Variants in LRRC7 observed in about 807,000 individuals in gnomAD.
LRRC7 encodes the protein leucine-rich repeat-containing protein 7.
In LRRC7, 23 loss-of-function variants were observed where a neutral mutation model predicts 175.7. The ratio of observed to expected loss-of-function variants is 0.13; its 90% CI spans 0.09 to 0.19. The LOEUF (loss-of-function observed/expected upper bound fraction) is 0.19, where lower values mean the gene tolerates loss of function less well. Ranked by LOEUF, LRRC7 falls within the 10% of genes least tolerant of loss-of-function variation. The probability of loss-of-function intolerance (pLI) is 1.00; values close to 1 mark genes in which losing one functional copy is unlikely to be tolerated. For missense variants in LRRC7, 1,354 were observed against 1,904.7 expected, an observed-to-expected ratio of 0.71 and a Z score of 5.38; for synonymous variants, 685 against 680.9, an observed-to-expected ratio of 1.01 and a Z score of -0.09.
At chr1:69,958,844 A>G (rs923588173) in intron 8 of LRRC7, among the ~76,000 whole-genome samples, 26 of 152,234 alleles carry the variant, frequency 1.7e-4, no homozygotes, top group East Asian at 1.4e-3. Flanking sequence ...AAGTGAACAT[A>G]GCAAAATACA....
intron 3 of LRRC7, among the ~76,000 whole-genome samples, chr1:69,784,913 C>T (rs1674228522): frequency 6.6e-6 from 1 of 151,866 alleles, no homozygotes; most frequent in South Asian, 2.1e-4. Flanking sequence ...CATTATTGAC[C>T]AAGAAACTGG....
At chr1:69,999,771 A>G (rs1048416000) in intron 11 of LRRC7, among the ~76,000 whole-genome samples, 3 of 152,212 alleles carry the variant, frequency 2.0e-5, no homozygotes, top group African/African-American at 7.2e-5. Flanking sequence ...AAAAAGCAGA[A>G]GAAATTTGGG....
chr1:69,957,344 C>G (rs376088528), intron 8 of LRRC7, among the ~76,000 whole-genome samples: 10 of 151,876 alleles, frequency 6.6e-5, no homozygotes, highest in South Asian at 6.2e-4. Context: ...AATATAGATT[C>G]TTACTTCCAT....
chr1:69,859,112 G>A (rs529601265), intron 7 of LRRC7, among the ~76,000 whole-genome samples: 3 of 152,052 alleles, frequency 2.0e-5, no homozygotes, highest in Admixed American at 6.6e-5. Flanking sequence ...TTCCCCTACC[G>A]CCTCTGCCCA....
intron 1 of LRRC7, among the ~76,000 whole-genome samples, chr1:69,642,608 A>G (rs1038101691): frequency 1.3e-5 from 2 of 151,998 alleles, no homozygotes; most frequent in Admixed American, 1.3e-4. Flanking sequence ...AATAATGTCA[A>G]AGTTTTCTCA....
At chr1:70,027,051 T>A (rs564114411) in intron 17 of LRRC7, among the ~76,000 whole-genome samples, 174 of 152,100 alleles carry the variant, frequency 1.1e-3, no homozygotes, top group Non-Finnish European at 1.7e-3. Context: ...CTCTCCCTTT[T>A]CCGATCTTCC....
intron 1 of LRRC7, among the ~76,000 whole-genome samples, chr1:69,651,767 G>C (rs1655865325): frequency 6.6e-6 from 1 of 152,080 alleles, no homozygotes; most frequent in African/African-American, 2.4e-5. Context: ...CTGCTTCTCG[G>C]TCAAGGGAAA....
At chr1:69,813,386 G>A (rs1678193020) in intron 4 of LRRC7, among the ~76,000 whole-genome samples, 1 of 152,062 alleles carries the variant, frequency 6.6e-6, no homozygotes, top group Non-Finnish European at 1.5e-5. Flanking sequence ...GTGCAGTCTT[G>A]AGGCTTACCA....
At chr1:69,763,643 A>G (rs1483112792) in intron 3 of LRRC7, among the ~76,000 whole-genome samples, 1 of 152,092 alleles carries the variant, frequency 6.6e-6, no homozygotes, top group Admixed American at 6.6e-5. Flanking sequence ...AATGTGCACT[A>G]TAAAGAAACT....
chr1:69,806,619 C>T (rs1309600547), intron 4 of LRRC7, among the ~76,000 whole-genome samples: 1 of 151,950 alleles, frequency 6.6e-6, no homozygotes, highest in African/African-American at 2.4e-5. Context: ...AGTATTGCCC[C>T]ATTTTTAATT....
chr1:69,717,769 A>AGG (rs1557640367), intron 2 of LRRC7, among the ~76,000 whole-genome samples: 1 of 64,146 alleles, frequency 1.6e-5, no homozygotes, highest in East Asian at 3.9e-4. Context: ...AAAAAAAGAA[A>AGG]AAAAGAAAGA....
intron 7 of LRRC7, among the ~76,000 whole-genome samples, chr1:69,902,523 A>G (rs1417603034): frequency 6.6e-6 from 1 of 152,166 alleles, no homozygotes; most frequent in Non-Finnish European, 1.5e-5. Flanking sequence ...GTGAGCTGAG[A>G]TTGCCATTGC....
Position 69,847,746 on chromosome 1 carries a change from C to T in LRRC7, c.647+9463C>T, listed in dbSNP as rs150540802. Among the ~76,000 whole-genome samples the T allele has an allele frequency of 2.5e-3, 376 of 152,166 alleles. 3 individuals are homozygous for T. The highest frequency in any genetic ancestry group is 8.8e-3 in the African/African-American group (364 of 41,554). ...TTGCCCTACTTGAGTTTCTTAATAA[C>T]GCTTGCCTGTGCCTTCAACAATTCC... On this transcript the variant is annotated intron_variant, in intron 7 of 26. Transcript: ENST00000651989.
chr1:70,065,205 C>T (rs147972910), intron 23 of LRRC7, among the ~76,000 whole-genome samples: 161 of 151,954 alleles, frequency 1.1e-3, no homozygotes, highest in African/African-American at 3.8e-3. Context: ...AACTGTAATA[C>T]GAAAAAAACT....
intron 7 of LRRC7, among the ~76,000 whole-genome samples, chr1:69,895,144 A>G (rs538823309): frequency 6.6e-6 from 1 of 152,328 alleles, no homozygotes; most frequent in African/African-American, 2.4e-5. Flanking sequence ...AGGCAGGTGA[A>G]TCGCTTGAAC....
chr1:69,749,109 C>T (rs1368442323), intron 2 of LRRC7, among the ~76,000 whole-genome samples: 2 of 152,074 alleles, frequency 1.3e-5, no homozygotes, highest in African/African-American at 4.8e-5. Context: ...TTTCTACTGT[C>T]CTTACATGTA....
chr1:69,898,435 A>G (rs1250008152), intron 7 of LRRC7, among the ~76,000 whole-genome samples: 1 of 152,254 alleles, frequency 6.6e-6, no homozygotes, highest in Admixed American at 6.5e-5. Flanking sequence ...CTGTGATTTT[A>G]GCTGAAAAGG....
intron 7 of LRRC7, chr1:69,919,673 C>G: frequency 1.1e-6 from 1 of 952,192 alleles, no homozygotes; most frequent in Non-Finnish European, 1.7e-6. Context: ...TCCGGCCTCA[C>G]AATTCAGCGA....
chr1:70,052,260 T>A (rs1558028517), intron 22 of LRRC7, among the ~76,000 whole-genome samples: 1 of 152,092 alleles, frequency 6.6e-6, no homozygotes, highest in Non-Finnish European at 1.5e-5. Context: ...TTACTAAGGT[T>A]AGAATATGAA....
Sources: allele counts gnomAD v4.1 joint callset (sites outside exome capture counted in the v4.1 genomes callset), GRCh38; gene constraint gnomAD v4.1.1; transcripts MANE v1.5; gene names NCBI Gene and HGNC (gene_info 2026-07-23, HGNC 2026-07-21).